The following NCS1 variants were observed in gnomAD, a reference collection of about 807,000 sequenced individuals.
The protein encoded by NCS1 is frequenin homolog.
A neutral mutation model predicts 28.4 loss-of-function variants in NCS1; 6 were observed. That is an observed-to-expected ratio of 0.21 (90% CI 0.12 to 0.42). The LOEUF (loss-of-function observed/expected upper bound fraction) is 0.42, where lower values mean the gene tolerates loss of function less well. Among genes scored for constraint, NCS1 ranks in the 10% least tolerant of loss-of-function variants. The pLI is 1.00. For synonymous variants in NCS1, 86 were observed against 99.3 expected (o/e 0.87, Z 0.79); for missense variants, 131 against 241.4 (o/e 0.54, Z 3.03).
At chr9:130,189,902 A>G (rs1832794747) in intron 1 of NCS1, among the ~76,000 whole-genome samples, 1 of 134,968 alleles carries the variant, frequency 7.4e-6, no homozygotes, top group Non-Finnish European at 1.5e-5. Context: ...ATATATATAT[A>G]TATATATTCC....
chr9:130,224,916 G>T (rs182413226), intron 6 of NCS1, among the ~76,000 whole-genome samples: 4 of 152,324 alleles, frequency 2.6e-5, no homozygotes, highest in African/African-American at 9.6e-5. Flanking sequence ...AAATGGTCAG[G>T]TGCGGTGGCT....
intron 6 of NCS1, 134 bp downstream of exon 6, chr9:130,223,293 T>A: frequency 1.3e-6 from 1 of 742,572 alleles, no homozygotes; most frequent in Non-Finnish European, 2.3e-6. Context: ...CACGGTGTCC[T>A]ATCCCTGCTC....
rs965494139 is a variant in NCS1 at position 130,175,624 on chromosome 9, C to T, written c.64+2897C>T. On this transcript the variant is annotated intron_variant, in intron 1 of 7. Coordinates refer to ENST00000372398, the MANE Select transcript of NCS1 (RefSeq NM_014286.4). This position sits in a 1 kb window ranked among gnomAD's most constrained non-coding sequence, Gnocchi z 4.9. ...CTAGAGGGGAGCCATGGGTCCACGT[C>T]CGAGTCGGTGCTGGGCAGTGTCCTT... 6.6e-6 allele frequency among the ~76,000 whole-genome samples: 1 copy of T among 152,134 alleles called. No homozygotes were observed. The highest frequency in any genetic ancestry group is 1.5e-5 in the Non-Finnish European group (1 of 68,018).
chr9:130,228,296 CA>C (rs2131161627), intron 7 of NCS1, among the ~76,000 whole-genome samples: 1 of 151,984 alleles, frequency 6.6e-6, no homozygotes, highest in African/African-American at 2.4e-5. Context: ...CCTCAGCCCT[CA>C]GCTTTCCAAG....
At chr9:130,185,155 G>A (rs527252513) in intron 1 of NCS1, among the ~76,000 whole-genome samples, 1 of 152,176 alleles carries the variant, frequency 6.6e-6, no homozygotes, top group African/African-American at 2.4e-5. Flanking sequence ...CCTTGGGCCC[G>A]GCCTCCTCCT....
Position 130,175,939 on chromosome 9 carries a change from C to T in NCS1, c.64+3212C>T, listed in dbSNP as rs1832557618. On this transcript the variant is annotated intron_variant, in intron 1 of 7. Transcript: ENST00000372398. This position sits in a 1 kb window ranked among gnomAD's most constrained non-coding sequence, Gnocchi z 4.9. ...GAGGCTGTTGGCTTCCCCGTGTGTC[C>T]CGGCTGTGGGATGGGCCGGTCCCCT... Among the ~76,000 whole-genome samples, 1 of 152,132 alleles carries T rather than the reference C, an allele frequency of 6.6e-6. No individual in the cohort carries two copies. The highest frequency in any genetic ancestry group is 2.1e-4 in the South Asian group (1 of 4,826).
rs1229525719 is a variant in NCS1, at chr9:130,234,946, C to G, written c.*1974C>G. 5 of 152,236 alleles carry G rather than the reference C, an allele frequency of 3.3e-5. No homozygotes were observed. The highest frequency in any genetic ancestry group is 7.2e-5 in the African/African-American group (3 of 41,424). The allele number at this position is 152,236 out of a possible 1,614,324, so 9.4% of individuals were successfully genotyped here. ...GTTTTAGAGGGGACACTTTGGTCCT[C>G]GGTTCCCACCCTCAGCAAGCAGGCC... On this transcript the variant is annotated 3_prime_UTR_variant, in exon 8 of 8. Coordinates refer to ENST00000372398, the MANE Select transcript of NCS1 (RefSeq NM_014286.4). The surrounding 1 kb of genome is among the most constrained non-coding windows in gnomAD (Gnocchi z 6.1).
chr9:130,183,841 G>A (rs533475556), intron 1 of NCS1, among the ~76,000 whole-genome samples: 33 of 137,390 alleles, frequency 2.4e-4, no homozygotes, highest in Middle Eastern at 4.0e-3. Context: ...ACAGAGTCTC[G>A]CTCTGTCGCC....
At chr9:130,228,092 T>C (rs1554911650) in intron 7 of NCS1, among the ~76,000 whole-genome samples, 1 of 152,190 alleles carries the variant, frequency 6.6e-6, no homozygotes, top group Non-Finnish European at 1.5e-5. Context: ...CCTCAGAGCT[T>C]TCCAAGAGAG....
At position 130,186,831 on chromosome 9, in the gene NCS1, G is replaced by C. The variant is rs1554905677; in HGVS notation, c.64+14104G>C. 6.6e-6 allele frequency among the ~76,000 whole-genome samples: 1 copy of C among 152,232 alleles called. No individual in the cohort carries two copies. The highest frequency in any genetic ancestry group is 1.5e-5 in the Non-Finnish European group (1 of 68,036). On this transcript the variant is annotated intron_variant, in intron 1 of 7. Coordinates refer to ENST00000372398, the MANE Select transcript of NCS1 (RefSeq NM_014286.4). This position sits in a 1 kb window ranked among gnomAD's most constrained non-coding sequence, Gnocchi z 4.1. ...GAGGGCCTGTGGCCGTGAGGGTGCT[G>C]ATGGCGGGAGGGCCCTGATGGCAGG...
rs1554904712 is a variant in NCS1, at chr9:130,177,096, T to C, written c.64+4369T>C. ...GCCAACCTTGACTCTCCTCTGCCTT[T>C]TCCCTAATGCCCAGAATGGTGCCGG... is the stretch of plus-strand genomic sequence containing the variant. On this transcript the variant is annotated intron_variant, in intron 1 of 7. Coordinates refer to ENST00000372398, the MANE Select transcript of NCS1 (RefSeq NM_014286.4). This position sits in a 1 kb window ranked among gnomAD's most constrained non-coding sequence, Gnocchi z 4.4. Among the ~76,000 whole-genome samples, 1 of 152,180 alleles carries C rather than the reference T, an allele frequency of 6.6e-6. No individual in the cohort carries two copies. Among genetic ancestry groups the C allele is most frequent in the Non-Finnish European group, 1.5e-5 (1 of 68,032 alleles).
chr9:130,196,771 C>T (rs1349509259), intron 1 of NCS1, among the ~76,000 whole-genome samples: 1 of 152,112 alleles, frequency 6.6e-6, no homozygotes, highest in Non-Finnish European at 1.5e-5. Flanking sequence ...AGGGCATTAG[C>T]CTCAGTGCTG....
In NCS1 at chr9:130,180,652, C is replaced by G. The variant is rs1386774282; in HGVS notation, c.64+7925C>G. On this transcript the variant is annotated intron_variant, in intron 1 of 7. Coordinates refer to ENST00000372398, the MANE Select transcript of NCS1 (RefSeq NM_014286.4). This position sits in a 1 kb window ranked among gnomAD's most constrained non-coding sequence, Gnocchi z 4.5. Reference sequence around the variant, plus strand: ...CTGGGCAATCCTGGCCAGCTCCTTACGTCTCTGAGCTCTGAGGTCCCTTGC... The same window carrying G: ...CTGGGCAATCCTGGCCAGCTCCTTAGGTCTCTGAGCTCTGAGGTCCCTTGC... 1.3e-5 allele frequency among the ~76,000 whole-genome samples: 2 copies of G among 152,156 alleles called. No individual in the cohort carries two copies. The highest frequency in any genetic ancestry group is 4.8e-5 in the African/African-American group (2 of 41,434).
Position 130,172,793 on chromosome 9 carries a change from C to T in NCS1, c.64+66C>T. 3 of 857,992 alleles carry T rather than the reference C, an allele frequency of 3.5e-6. No homozygotes were observed. In the South Asian group the frequency reaches 8.9e-5, roughly 25 times the overall value. 53.1% of individuals were successfully genotyped at this position (857,992 alleles called of 1,614,324 possible). A position where few individuals can be genotyped will look rare whatever the true frequency, so the allele number is the denominator to read the frequency against. On this transcript the variant is annotated intron_variant, in intron 1 of 7. Transcript: ENST00000372398. ...CCCACACCCACCGCCCCCGCCCCCG[C>T]CCCCCGGACCCGCGCGCTACCCGCT...
rs1832980745 is a variant in NCS1, at chr9:130,203,159, CAG to C, written c.89+2180_89+2181del. 2.1e-5 allele frequency among the ~76,000 whole-genome samples: 3 copies of C among 141,012 alleles called. No homozygotes were observed. The Admixed American group carries it at 2.2e-4, about 10-fold the overall frequency. The allele number at this position is 141,012 out of a possible 152,430, so 92.5% of individuals were successfully genotyped here. ...ATATTTTTTTTTTTTTTTCTTGAGA[CAG>C]AGTCTCTCTGCTCTGTTGCTCAGGC... On this transcript the variant is annotated intron_variant, in intron 2 of 7. Transcript: ENST00000372398.
chr9:130,197,824 G>C (rs529909417), intron 1 of NCS1, among the ~76,000 whole-genome samples: 1 of 152,114 alleles, frequency 6.6e-6, no homozygotes, highest in African/African-American at 2.4e-5. Context: ...TTAGCTGGCC[G>C]TGGTGGTGTA....
At chr9:130,174,294 GC>G (rs1200783792) in intron 1 of NCS1, among the ~76,000 whole-genome samples, 13 of 152,310 alleles carry the variant, frequency 8.5e-5, no homozygotes, top group African/African-American at 3.1e-4. Context: ...GGGGAGTGAA[GC>G]CAGGTTTCCT....
chr9:130,198,320 G>A (rs1832901462), intron 1 of NCS1, among the ~76,000 whole-genome samples: 1 of 152,164 alleles, frequency 6.6e-6, no homozygotes, highest in South Asian at 2.1e-4. Context: ...GACATGGGTG[G>A]GGGGTGTCAA....
At chr9:130,173,672 T>C (rs3780708) in intron 1 of NCS1, among the ~76,000 whole-genome samples, 108,599 of 152,090 alleles carry the variant, frequency 0.71, 39,040 homozygotes, top group African/African-American at 0.78. Flanking sequence ...GGGACAGTGG[T>C]TCTGGGCTTG....
Sources: gnomAD v4.1 joint callset for allele counts (sites outside exome capture counted in the v4.1 genomes callset) on GRCh38, gnomAD v4.1.1 for gene constraint, Gnocchi (gnomAD v3.1) non-coding constraint, MANE v1.5 for transcripts, NCBI Gene and HGNC (gene_info 2026-07-23, HGNC 2026-07-21) for gene names.